The following PCGF6 variants were observed in gnomAD, a reference collection of about 807,000 sequenced individuals.
The protein encoded by PCGF6 is polycomb group RING finger protein 6.
PCGF6 carries 24 observed loss-of-function variants against 45.5 expected under a neutral mutation model. The observed-to-expected ratio is 0.53, with a 90% CI of 0.38 to 0.74. PCGF6 has a LOEUF of 0.74. PCGF6 is among the 30% of genes least tolerant of loss of function. The pLI is 0.00. For synonymous variants in PCGF6, 152 were observed against 162.1 expected (o/e 0.94, Z 0.47); for missense variants, 356 against 443.2 (o/e 0.80, Z 1.77).
At chr10:103,311,422 GTGAGCCA>G (rs2093156846) in intron 9 of PCGF6, among the ~76,000 whole-genome samples, 1 of 151,130 alleles carries the variant, frequency 6.6e-6, no homozygotes, top group South Asian at 2.1e-4. Flanking sequence ...GATTACAGGT[GTGAGCCA>G]CTGTGCCCGG....
chr10:103,322,960 G>C (rs1359616002), intron 8 of PCGF6, among the ~76,000 whole-genome samples: 1 of 150,528 alleles, frequency 6.6e-6, no homozygotes, highest in Non-Finnish European at 1.5e-5. Context: ...CACATAAATA[G>C]CCATAGAATA....
At chr10:103,334,063 A>G in intron 6 of PCGF6, 111 bp from the exon 7 acceptor site, 1 of 726,368 alleles carries the variant, frequency 1.4e-6, no homozygotes. Flanking sequence ...TAATTCTAGA[A>G]CACAGTCACC....
At chr10:103,335,032 A>T (rs964591517) in intron 6 of PCGF6, among the ~76,000 whole-genome samples, 1 of 152,076 alleles carries the variant, frequency 6.6e-6, no homozygotes, top group South Asian at 2.1e-4. Context: ...TCACAATTCC[A>T]TCATCTCCAA....
At chr10:103,349,138 C>G in intron 1 of PCGF6, 139 bp from the exon 2 acceptor site, 1 of 688,210 alleles carries the variant, frequency 1.5e-6, no homozygotes, top group Non-Finnish European at 2.4e-6. Context: ...ACCTCCGCCT[C>G]CTGGATTAAA....
Position 103,316,002 on chromosome 10 carries a change from A to G in PCGF6, c.910-1730T>C, listed in dbSNP as rs1433600166. Among the ~76,000 whole-genome samples, 124 of 125,900 alleles carry G rather than the reference A, an allele frequency of 9.8e-4. No homozygotes were observed. The Middle Eastern group carries it at 0.016, about 16-fold the overall frequency. 82.6% of individuals were successfully genotyped at this position (125,900 alleles called of 152,430 possible). ...TGTGTGTGTGTGTGTGTGTATATAT[A>G]TATATATATATAGAGAGAGAGAGAG... On this transcript the variant is annotated intron_variant, in intron 8 of 9. Transcript: ENST00000369847.
chr10:103,329,806 TC>T, intron 7 of PCGF6, among the ~76,000 whole-genome samples: 2 of 146,432 alleles, frequency 1.4e-5, no homozygotes, highest in East Asian at 4.1e-4. Flanking sequence ...TTTGAGACAG[TC>T]TCGCTCTGTC....
intron 9 of PCGF6, among the ~76,000 whole-genome samples, chr10:103,305,913 G>A (rs1446425946): frequency 6.6e-6 from 1 of 150,918 alleles, no homozygotes; most frequent in Non-Finnish European, 1.5e-5. Context: ...AAAAAAAAAG[G>A]AAAAAGAATT....
chr10:103,316,629 C>A (rs2093177215), intron 8 of PCGF6, among the ~76,000 whole-genome samples: 1 of 152,092 alleles, frequency 6.6e-6, no homozygotes, highest in Admixed American at 6.6e-5. Context: ...CAGGGGTCGG[C>A]AAACCGTTTC....
At chr10:103,310,195 C>T (rs1259745976) in intron 9 of PCGF6, among the ~76,000 whole-genome samples, 1 of 151,214 alleles carries the variant, frequency 6.6e-6, no homozygotes, top group Non-Finnish European at 1.5e-5. Context: ...TAGGTGATCC[C>T]CCCACCTCGG....
intron 6 of PCGF6, among the ~76,000 whole-genome samples, chr10:103,342,273 G>A (rs2093283727): frequency 7.2e-6 from 1 of 139,668 alleles, no homozygotes. Flanking sequence ...CGCTCTCATT[G>A]CCCAGGCTGG....
intron 9 of PCGF6, 102 bp downstream of exon 9, chr10:103,314,084 A>C (rs1181483362): frequency 1.0e-5 from 5 of 498,484 alleles, no homozygotes; most frequent in Non-Finnish European, 1.7e-5. Flanking sequence ...TAGTGTAGGT[A>C]ATTTTAAGAG....
chr10:103,339,801 CAA>C lies in PCGF6; in HGVS notation c.782+5221_782+5222del, dbSNP rs200037917. Among the ~76,000 whole-genome samples the C allele has an allele frequency of 9.9e-3, 268 of 26,942 alleles. 13 individuals carry two copies. The highest frequency in any genetic ancestry group is 0.033 in the East Asian group (19 of 574). The allele number at this position is 26,942 out of a possible 152,430, so 17.7% of individuals were successfully genotyped here. On this transcript the variant is annotated intron_variant, in intron 6 of 9. Coordinates refer to ENST00000369847, the MANE Select transcript of PCGF6 (RefSeq NM_001011663.2). Reference sequence around the variant, plus strand: ...AACAAAAGCGAAATTCTGTCTGTCTCAAAAAAAAAACACACACACACACACAC... The same window carrying C: ...AACAAAAGCGAAATTCTGTCTGTCTCAAAAAAAACACACACACACACACAC...
chr10:103,324,219 G>A (rs908506337), intron 8 of PCGF6, among the ~76,000 whole-genome samples: 2 of 151,650 alleles, frequency 1.3e-5, no homozygotes, highest in African/African-American at 2.4e-5. Context: ...GATTATATAG[G>A]TGAGTCACTG....
intron 7 of PCGF6, among the ~76,000 whole-genome samples, chr10:103,332,256 T>C (rs1463823034): frequency 6.6e-6 from 1 of 152,168 alleles, no homozygotes; most frequent in Non-Finnish European, 1.5e-5. Flanking sequence ...CACATGTGTT[T>C]CTGAGGAAGC....
At chr10:103,336,408 T>C (rs1454199917) in intron 6 of PCGF6, among the ~76,000 whole-genome samples, 2 of 151,944 alleles carry the variant, frequency 1.3e-5, no homozygotes. Flanking sequence ...AATATACACA[T>C]AAATAGAATG....
chr10:103,319,937 C>G (rs932219327), intron 8 of PCGF6, among the ~76,000 whole-genome samples: 2 of 152,084 alleles, frequency 1.3e-5, no homozygotes, highest in Non-Finnish European at 2.9e-5. Flanking sequence ...TCCCGAGTAG[C>G]TGGGACTATA....
chr10:103,347,459 AG>A lies in PCGF6; in HGVS notation c.558-10del. 1 of 1,597,282 alleles carries A rather than the reference AG, an allele frequency of 6.3e-7. No homozygotes were observed. Among genetic ancestry groups the A allele is most frequent in the East Asian group, 2.2e-5 (1 of 44,720 alleles). On this transcript the variant is annotated splice_polypyrimidine_tract_variant and intron_variant, in intron 3 of 9. Transcript: ENST00000369847. ...GTAACTGTCGGTCCAACCTAATAAA[AG>A]GAAAGGATGGAGAATACCTCAGAAT...
At chr10:103,321,740 T>C (rs764409769) in intron 8 of PCGF6, among the ~76,000 whole-genome samples, 12 of 151,704 alleles carry the variant, frequency 7.9e-5, no homozygotes, top group Non-Finnish European at 1.3e-4. Flanking sequence ...ATAATAATAA[T>C]AATATATTGT....
chr10:103,351,104 G>T lies in PCGF6; in HGVS notation c.-38C>A. The T allele has an allele frequency of 7.5e-7, 1 of 1,339,206 alleles. No individual in the cohort carries two copies. 83.0% of individuals were successfully genotyped at this position (1,339,206 alleles called of 1,614,324 possible). On this transcript the variant is annotated 5_prime_UTR_variant, in exon 1 of 10. Transcript: ENST00000369847. ...CACCAGGCGAGGCGAGGCGGCGGGA[G>T]AGCGCGGGAGTTCGGCCGGCCTCGG...
Sources: allele counts gnomAD v4.1 joint callset (sites outside exome capture counted in the v4.1 genomes callset), GRCh38; gene constraint gnomAD v4.1.1; transcripts MANE v1.5; gene names NCBI Gene and HGNC (gene_info 2026-07-23, HGNC 2026-07-21).